The following VPS37A variants were observed in gnomAD, a reference collection of about 807,000 sequenced individuals.
VPS37A encodes vacuolar protein sorting-associated protein 37A.
A neutral mutation model predicts 49.8 loss-of-function variants in VPS37A; 30 were observed. The observed-to-expected ratio is 0.60, with a 90% CI of 0.45 to 0.82. The LOEUF is 0.82. VPS37A is among the 40% of genes least tolerant of loss of function. The probability of loss-of-function intolerance (pLI) is 0.00; values close to 1 mark genes in which losing one functional copy is unlikely to be tolerated. For synonymous variants in VPS37A, 195 were observed against 160.6 expected, an observed-to-expected ratio of 1.21 and a Z score of -1.62; for missense variants, 593 against 464.4, an observed-to-expected ratio of 1.28 and a Z score of -2.55.
At chr8:17,325,332 C>A in the VPS37A span, among the ~76,000 whole-genome samples, 1 of 152,280 alleles carries the variant, frequency 6.6e-6, no homozygotes, top group East Asian at 1.9e-4. Context: ...ACCATCCTTT[C>A]CACACCGAAT....
chr8:17,298,335 T>C (rs921659311), downstream of VPS37A: 12 of 152,236 alleles, frequency 7.9e-5, no homozygotes, highest in African/African-American at 2.6e-4. Context: ...CTGAAAGAAT[T>C]AATTACACTT....
chr8:17,300,204 C>A, downstream of VPS37A: 1 of 1,603,720 alleles, frequency 6.2e-7, no homozygotes, highest in Non-Finnish European at 8.5e-7. Flanking sequence ...TTAACTGGAC[C>A]TTTTGAATTT....
chr8:17,264,744 G>C (rs1348293823), intron 1 of VPS37A, among the ~76,000 whole-genome samples: 1 of 152,166 alleles, frequency 6.6e-6, no homozygotes. Context: ...GGGTATTCAT[G>C]CTTGAAGAAG....
At chr8:17,263,993 C>G (rs533318184) in intron 1 of VPS37A, among the ~76,000 whole-genome samples, 16 of 152,280 alleles carry the variant, frequency 1.1e-4, no homozygotes, top group African/African-American at 3.4e-4. Flanking sequence ...GGACCAACCT[C>G]CATGTTCTAC....
intron 9 of VPS37A, among the ~76,000 whole-genome samples, chr8:17,282,534 A>G (rs1197294712): frequency 6.6e-6 from 1 of 152,144 alleles, no homozygotes; most frequent in African/African-American, 2.4e-5. Flanking sequence ...AAAATCATGA[A>G]ATCAAAATTG....
chr8:17,277,875 C>G (rs2150397476), intron 6 of VPS37A, among the ~76,000 whole-genome samples: 1 of 151,070 alleles, frequency 6.6e-6, no homozygotes, highest in African/African-American at 2.4e-5. Context: ...CACACACACA[C>G]ACACACACAC....
At chr8:17,321,037 T>C in the VPS37A span, among the ~76,000 whole-genome samples, 22 of 152,314 alleles carry the variant, frequency 1.4e-4, no homozygotes, top group East Asian at 3.9e-3. Context: ...CCAGTTGTTA[T>C]TATAGGGCTT....
chr8:17,266,033 T>G (rs1813416154), intron 2 of VPS37A, 52 bp downstream of exon 2: 5 of 1,487,310 alleles, frequency 3.4e-6, no homozygotes, highest in Non-Finnish European at 4.6e-6. Flanking sequence ...AACAGTTTTT[T>G]TATTGTTTCT....
At chr8:17,316,836 C>T in the VPS37A span, among the ~76,000 whole-genome samples, 402 of 151,848 alleles carry the variant, frequency 2.6e-3, 2 homozygotes, top group Non-Finnish European at 4.4e-3. Flanking sequence ...GGGACTTCTG[C>T]GTGTGTGGAT....
At chr8:17,257,038 TC>T (rs1188037111) in intron 1 of VPS37A, among the ~76,000 whole-genome samples, 1 of 152,228 alleles carries the variant, frequency 6.6e-6, no homozygotes, top group Non-Finnish European at 1.5e-5. Flanking sequence ...AATGTTTTCT[TC>T]TAGTAGTTCC....
chr8:17,293,954 C>A (rs978810215), intron 11 of VPS37A, among the ~76,000 whole-genome samples: 1 of 152,210 alleles, frequency 6.6e-6, no homozygotes, highest in South Asian at 2.1e-4. Context: ...AGGAGGCAGT[C>A]TGTCTCTTAG....
chr8:17,329,516 G>A, the VPS37A span, among the ~76,000 whole-genome samples: 6 of 152,124 alleles, frequency 3.9e-5, no homozygotes, highest in African/African-American at 2.4e-5. Context: ...TTCCTGACGA[G>A]AAACCAAAGA....
intron 11 of VPS37A, among the ~76,000 whole-genome samples, chr8:17,291,302 C>T (rs1816126614): frequency 6.6e-6 from 1 of 152,138 alleles, no homozygotes; most frequent in Non-Finnish European, 1.5e-5. Context: ...TGTGAGCCAC[C>T]ATGCCCATAC....
At chr8:17,300,070 C>A, downstream of VPS37A, 6 of 1,614,074 alleles carry the variant, frequency 3.7e-6, no homozygotes, top group South Asian at 6.6e-5. Flanking sequence ...TGAAGGGCTC[C>A]GGGATGGAAA....
the VPS37A span, among the ~76,000 whole-genome samples, chr8:17,315,549 CT>C: frequency 6.6e-6 from 1 of 152,178 alleles, no homozygotes; most frequent in Non-Finnish European, 1.5e-5. Flanking sequence ...ATGCAGGTGG[CT>C]GTGCATGTGT....
the VPS37A span, among the ~76,000 whole-genome samples, chr8:17,331,817 A>G: frequency 6.6e-5 from 10 of 152,232 alleles, no homozygotes; most frequent in Non-Finnish European, 7.3e-5. Context: ...ATTACTGAAT[A>G]AAATGAAGAG....
downstream of VPS37A, among the ~76,000 whole-genome samples, chr8:17,303,411 T>C (rs1373152544): frequency 6.6e-6 from 1 of 152,146 alleles, no homozygotes; most frequent in African/African-American, 2.4e-5. Context: ...ATCAAGTCTG[T>C]GTCGGGAGTG....
intron 11 of VPS37A, among the ~76,000 whole-genome samples, chr8:17,292,557 A>T (rs1430130261): frequency 6.6e-6 from 1 of 152,180 alleles, no homozygotes; most frequent in African/African-American, 2.4e-5. Context: ...CATAGTATCA[A>T]TGGTCTTTAC....
intron 1 of VPS37A, among the ~76,000 whole-genome samples, chr8:17,256,585 T>G (rs1812483528): frequency 6.6e-6 from 1 of 151,894 alleles, no homozygotes. Context: ...CTCCCGTTTT[T>G]TGGGTTGTCT....
Sources: gnomAD v4.1 joint callset for allele counts (sites outside exome capture counted in the v4.1 genomes callset) on GRCh38, gnomAD v4.1.1 for gene constraint, MANE v1.5 for transcripts, NCBI Gene and HGNC (gene_info 2026-07-23, HGNC 2026-07-21) for gene names.